Variants in PDE10A observed in about 807,000 individuals in gnomAD.
PDE10A encodes the protein phosphodiesterase 10A, also known as cAMP and cAMP-inhibited cGMP 3',5'-cyclic phosphodiesterase 10A.
Under a neutral mutation model 97.7 loss-of-function variants are expected in PDE10A, and 39 were observed. The observed-to-expected ratio is 0.40, with a 90% CI of 0.31 to 0.52. PDE10A has a LOEUF of 0.52. Among genes scored for constraint, PDE10A ranks in the 20% least tolerant of loss-of-function variants. The pLI is 0.56. For synonymous variants in PDE10A, 371 were observed against 376.8 expected, an observed-to-expected ratio of 0.98 and a Z score of 0.18; for missense variants, 731 against 1,047.8, an observed-to-expected ratio of 0.70 and a Z score of 4.17.
At chr6:165,363,205 A>G (rs571219469) in intron 18 of PDE10A, among the ~76,000 whole-genome samples, 1 of 152,272 alleles carries the variant, frequency 6.6e-6, no homozygotes, top group Admixed American at 6.5e-5. Flanking sequence ...GCATAAGCCA[A>G]ACCAATGATT....
At chr6:165,802,265 T>C (rs536878487) in intron 1 of PDE10A, among the ~76,000 whole-genome samples, 5 of 152,314 alleles carry the variant, frequency 3.3e-5, no homozygotes, top group African/African-American at 1.2e-4. Flanking sequence ...TGACTTCTGC[T>C]CTACACTCAG....
chr6:165,825,057 A>G (rs1779690683), intron 1 of PDE10A, among the ~76,000 whole-genome samples: 1 of 149,844 alleles, frequency 6.7e-6, no homozygotes, highest in African/African-American at 2.5e-5. Context: ...GCTGAGGCAG[A>G]GAACTGCTTG....
rs879623933 is a variant in PDE10A at position 165,655,178 on chromosome 6, T to C, written c.865+6769A>G. 3.5e-5 allele frequency among the ~76,000 whole-genome samples: 5 copies of C among 143,808 alleles called. No individual in the cohort carries two copies. Among genetic ancestry groups the C allele is most frequent in the African/African-American group, 1.1e-4 (4 of 38,052 alleles). 94.3% of individuals were successfully genotyped at this position (143,808 alleles called of 152,430 possible). On this transcript the variant is annotated intron_variant, in intron 1 of 21. Coordinates refer to ENST00000539869, the MANE Select transcript of PDE10A (RefSeq NM_001385079.1). The surrounding 1 kb of genome is among the most constrained non-coding windows in gnomAD (Gnocchi z 4.5). ...GTCTGTATTTCCCTCAGAGTCAAAA[T>C]GTCACTGAGGCATCTATATACTGTC...
At chr6:165,836,331 C>T (rs1211915907) in intron 1 of PDE10A, among the ~76,000 whole-genome samples, 1 of 152,194 alleles carries the variant, frequency 6.6e-6, no homozygotes, top group Non-Finnish European at 1.5e-5. Flanking sequence ...AAGAGTCTAG[C>T]GCCCACTATG....
At position 165,663,010 on chromosome 6, in the gene PDE10A, G is replaced by C. The variant is rs1251859800; in HGVS notation, c.-199C>G. On this transcript the variant is annotated 5_prime_UTR_variant, in exon 1 of 22. Transcript: ENST00000539869. Reference sequence around the variant, plus strand: ...CTCGGCTTGGGTTGCGGGAGGACCCGGGCCTGGGGGCCAGGCCCCGGCGAC... The same window carrying C: ...CTCGGCTTGGGTTGCGGGAGGACCCCGGCCTGGGGGCCAGGCCCCGGCGAC... 6.6e-6 allele frequency among the ~76,000 whole-genome samples: 1 copy of C among 151,302 alleles called. No homozygotes were observed. Among genetic ancestry groups the C allele is most frequent in the Non-Finnish European group, 1.5e-5 (1 of 67,718 alleles).
chr6:165,907,194 G>A (rs113890395), intron 1 of PDE10A, among the ~76,000 whole-genome samples: 1 of 152,358 alleles, frequency 6.6e-6, no homozygotes, highest in African/African-American at 2.4e-5. Flanking sequence ...AAGGCACAAG[G>A]CTCCATCGCC....
chr6:165,382,910 T>C (rs1358483939), intron 17 of PDE10A, among the ~76,000 whole-genome samples: 6 of 152,202 alleles, frequency 3.9e-5, no homozygotes, highest in Non-Finnish European at 8.8e-5. Flanking sequence ...CTAGCCACTT[T>C]GTCATATATT....
chr6:165,939,977 C>T (rs1431200510), intron 1 of PDE10A: 1 of 152,244 alleles, frequency 6.6e-6, no homozygotes, highest in African/African-American at 2.4e-5. Flanking sequence ...ACCACCCACC[C>T]CAAGTTCTTG....
Position 165,646,113 on chromosome 6 carries a change from C to T in PDE10A, c.865+15834G>A, listed in dbSNP as rs1789384644. On this transcript the variant is annotated intron_variant, in intron 1 of 21. Coordinates refer to ENST00000539869, the MANE Select transcript of PDE10A (RefSeq NM_001385079.1). ...AGACCAGGGAACAGTTCCACGGCAG[C>T]ATCAGGAACGCGAGGGCAAAGGCCT... 1.3e-5 allele frequency among the ~76,000 whole-genome samples: 2 copies of T among 152,264 alleles called. 1 individual carries two copies. The highest frequency in any genetic ancestry group is 4.2e-4 in the South Asian group (2 of 4,810).
intron 4 of PDE10A, 49 bp downstream of exon 4, chr6:165,450,193 A>G: frequency 1.5e-6 from 2 of 1,300,248 alleles, no homozygotes; most frequent in Non-Finnish European, 2.0e-6. Context: ...GCTTTTTGTA[A>G]AAGAATCTTT....
rs538539308 is a variant in PDE10A at position 165,540,816 on chromosome 6, G to T, written c.994+2624C>A. 4.7e-3 allele frequency among the ~76,000 whole-genome samples: 721 copies of T among 152,212 alleles called. 2 individuals are homozygous for T. Among genetic ancestry groups the T allele is most frequent in the African/African-American group, 0.017 (686 of 41,538 alleles). On this transcript the variant is annotated intron_variant, in intron 2 of 21. Transcript: ENST00000539869. The stretch of plus-strand genomic sequence containing the variant: ...AGCTAATTTTTGTATTTTTAGTAGA[G>T]TCAGGGTTTCACCAGGTTAGCCAGG...
At chr6:165,756,280 T>C (rs748465684) in intron 1 of PDE10A, among the ~76,000 whole-genome samples, 8 of 152,214 alleles carry the variant, frequency 5.3e-5, no homozygotes, top group Non-Finnish European at 1.0e-4. Context: ...AATTTCCTAT[T>C]TTAAAAAATA....
Position 165,744,846 on chromosome 6 carries a change from T to C in PDE10A, c.-614-201278A>G, listed in dbSNP as rs533987294. ...TTTTAAATATGGGATTATGAACCAG[T>C]ACTGCTTAAAAAAAAAAAAAATTCT... is the stretch of plus-strand genomic sequence containing the variant. On this transcript the variant is annotated intron_variant, in intron 1 of 19. Coordinates refer to the PDE10A transcript ENST00000366882. Among the ~76,000 whole-genome samples the C allele has an allele frequency of 3.7e-3, 452 of 121,010 alleles. 5 individuals are homozygous for C. The highest frequency in any genetic ancestry group is 5.3e-3 in the Non-Finnish European group (335 of 63,738). 79.4% of individuals were successfully genotyped at this position (121,010 alleles called of 152,430 possible).
At chr6:165,717,922 T>C (rs1291757012) in intron 1 of PDE10A, among the ~76,000 whole-genome samples, 1 of 152,238 alleles carries the variant, frequency 6.6e-6, no homozygotes, top group Non-Finnish European at 1.5e-5. Context: ...CCTTTGCCCA[T>C]TCTGAATCAG....
At chr6:165,730,047 G>A (rs897072492) in intron 1 of PDE10A, among the ~76,000 whole-genome samples, 6 of 151,506 alleles carry the variant, frequency 4.0e-5, no homozygotes, top group African/African-American at 7.3e-5. Flanking sequence ...AGATATATAC[G>A]TATATGAATA....
intron 1 of PDE10A, among the ~76,000 whole-genome samples, chr6:165,787,921 A>C (rs186188895): frequency 2.0e-5 from 3 of 152,326 alleles, no homozygotes. Flanking sequence ...CTTGACCCAG[A>C]AGTTCTATAA....
chr6:165,681,276 A>G lies in PDE10A; in HGVS notation c.-614-137708T>C, dbSNP rs958048495. On this transcript the variant is annotated intron_variant, in intron 1 of 19. Transcript: ENST00000366882. The stretch of plus-strand genomic sequence containing the variant: ...TTGCTGTGCAAAAAGGAATTTAAGA[A>G]GCCTGTTTCCTAATACTTAGTTTCG... Among the ~76,000 whole-genome samples the G allele has an allele frequency of 5.3e-5, 8 of 152,348 alleles. 1 individual carries two copies. Among genetic ancestry groups the G allele is most frequent in the African/African-American group, 1.9e-4 (8 of 41,586 alleles).
rs554741839 is a variant in PDE10A at position 165,387,992 on chromosome 6, T to A, written c.2610+306A>T. Among the ~76,000 whole-genome samples the A allele has an allele frequency of 5.9e-5, 9 of 152,346 alleles. No homozygotes were observed. In the East Asian group the frequency reaches 1.5e-3, roughly 26 times the overall value. ...AATATCTTCTTGTTCAAGAATATGA[T>A]AATCTATATAATTAATTGATTTAAA... On this transcript the variant is annotated intron_variant, in intron 17 of 21. Transcript: ENST00000539869.
intron 1 of PDE10A, among the ~76,000 whole-genome samples, chr6:165,967,354 G>A (rs146840893): frequency 5.3e-5 from 8 of 152,246 alleles, no homozygotes; most frequent in Non-Finnish European, 1.0e-4. Context: ...AACATTAGCC[G>A]GCTGTGGTGG....
Sources: allele counts gnomAD v4.1 joint callset (sites outside exome capture counted in the v4.1 genomes callset), GRCh38; gene constraint gnomAD v4.1.1; non-coding constraint Gnocchi (gnomAD v3.1); transcripts MANE v1.5; gene names NCBI Gene and HGNC (gene_info 2026-07-23, HGNC 2026-07-21).